Variants in RANBP2 observed in about 807,000 individuals in gnomAD.
RANBP2 encodes the protein RAN binding protein 2.
In RANBP2, 57 loss-of-function variants were observed where a neutral mutation model predicts 303.6. The ratio of observed to expected loss-of-function variants is 0.19; its 90% confidence interval spans 0.15 to 0.23. RANBP2 has a LOEUF of 0.23. RANBP2 is among the 10% of genes least tolerant of loss of function. The pLI, the probability that RANBP2 is intolerant of heterozygous loss-of-function variation, is 1.00. For synonymous variants in RANBP2, 1,167 were observed against 1,301.5 expected (o/e 0.90, Z 2.23); for missense variants, 3,138 against 3,780.8 (o/e 0.83, Z 4.46).
chr2:109,203,568 T>A, the RANBP2 span, among the ~76,000 whole-genome samples: 1 of 152,154 alleles, frequency 6.6e-6, no homozygotes, highest in African/African-American at 2.4e-5. Context: ...CTGCTCCATG[T>A]GGTTCGTCCA....
chr2:109,198,752 C>G, the RANBP2 span, among the ~76,000 whole-genome samples: 1 of 152,148 alleles, frequency 6.6e-6, no homozygotes, highest in East Asian at 1.9e-4. Flanking sequence ...ATCACCTTCC[C>G]AAAGGCCTCA....
intron 19 of RANBP2, among the ~76,000 whole-genome samples, chr2:108,762,628 C>T (rs1350394816): frequency 7.9e-6 from 1 of 126,492 alleles, no homozygotes; most frequent in African/African-American, 3.1e-5. Flanking sequence ...TTATTTTGAC[C>T]ACAGGCAAGT....
the RANBP2 span, among the ~76,000 whole-genome samples, chr2:109,439,502 C>T: frequency 1.3e-5 from 2 of 152,172 alleles, no homozygotes; most frequent in Admixed American, 1.3e-4. Flanking sequence ...AGACCCCAAC[C>T]CCGATGGGTG....
the RANBP2 span, among the ~76,000 whole-genome samples, chr2:109,023,044 CCA>C: frequency 6.6e-6 from 1 of 151,780 alleles, no homozygotes; most frequent in Non-Finnish European, 1.5e-5. Flanking sequence ...GAGCGAGACT[CCA>C]TCTCAAAAAA....
At chr2:109,227,220 G>C in the RANBP2 span, among the ~76,000 whole-genome samples, 1 of 152,156 alleles carries the variant, frequency 6.6e-6, no homozygotes, top group Non-Finnish European at 1.5e-5. Flanking sequence ...TCCCACCCAG[G>C]CCTCAGGGGC....
At chr2:109,462,683 C>G in the RANBP2 span, among the ~76,000 whole-genome samples, 1 of 152,218 alleles carries the variant, frequency 6.6e-6, no homozygotes, top group African/African-American at 2.4e-5. Context: ...AGCCCTCTCT[C>G]CACAGGTCAG....
At chr2:109,524,489 G>T in the RANBP2 span, among the ~76,000 whole-genome samples, 1 of 146,220 alleles carries the variant, frequency 6.8e-6, no homozygotes, top group African/African-American at 2.6e-5. Context: ...GGGCGCGATG[G>T]CTCACGCCTG....
the RANBP2 span, among the ~76,000 whole-genome samples, chr2:109,095,398 G>A: frequency 6.6e-6 from 1 of 152,166 alleles, no homozygotes. Context: ...AAGAAGGCAT[G>A]GGAATATGAT....
At chr2:109,179,566 A>C in the RANBP2 span, among the ~76,000 whole-genome samples, 1 of 152,212 alleles carries the variant, frequency 6.6e-6, no homozygotes, top group Admixed American at 6.5e-5. Flanking sequence ...GAAGTCCAAG[A>C]ACATGGTACT....
At chr2:108,787,026 G>T (rs1267227946), downstream of RANBP2, 4 of 591,608 alleles carry the variant, frequency 6.8e-6, no homozygotes, top group Non-Finnish European at 7.6e-6. Flanking sequence ...TCCCGGCCCC[G>T]GCACTCCCGC....
chr2:109,573,551 C>G, the RANBP2 span, among the ~76,000 whole-genome samples: 1 of 152,108 alleles, frequency 6.6e-6, no homozygotes, highest in African/African-American at 2.4e-5. Context: ...GTAAATCGAC[C>G]GATGTGCCAA....
chr2:109,428,080 C>A, the RANBP2 span, among the ~76,000 whole-genome samples: 1 of 152,238 alleles, frequency 6.6e-6, no homozygotes, highest in Non-Finnish European at 1.5e-5. Context: ...TGCTGTGGGT[C>A]TTCCCTGCAG....
chr2:109,664,218 C>T, the RANBP2 span, among the ~76,000 whole-genome samples: 3 of 152,146 alleles, frequency 2.0e-5, no homozygotes, highest in Admixed American at 6.6e-5. Flanking sequence ...AAGATGCATA[C>T]GTTATAGAAA....
At chr2:108,938,570 G>A in the RANBP2 span, among the ~76,000 whole-genome samples, 1 of 152,104 alleles carries the variant, frequency 6.6e-6, no homozygotes, top group South Asian at 2.1e-4. Context: ...CTGCTGTAAA[G>A]ATATGTGTTC....
chr2:109,393,254 A>G, the RANBP2 span, among the ~76,000 whole-genome samples: 3 of 152,332 alleles, frequency 2.0e-5, no homozygotes, highest in Admixed American at 6.5e-5. Flanking sequence ...AGTCTCTGGA[A>G]CATGTGAGTC....
At chr2:108,992,174 A>G in the RANBP2 span, among the ~76,000 whole-genome samples, 7 of 152,314 alleles carry the variant, frequency 4.6e-5, no homozygotes, top group East Asian at 1.4e-3. Flanking sequence ...GTACCCCATC[A>G]AAGTAGCATT....
the RANBP2 span, among the ~76,000 whole-genome samples, chr2:109,095,317 G>C: frequency 6.6e-6 from 1 of 152,136 alleles, no homozygotes; most frequent in Non-Finnish European, 1.5e-5. Context: ...ACATATAATC[G>C]AGACTACTGG....
the RANBP2 span, among the ~76,000 whole-genome samples, chr2:109,180,069 G>C: frequency 2.0e-5 from 3 of 152,046 alleles, no homozygotes; most frequent in Admixed American, 1.3e-4. Flanking sequence ...TGGGGACCCA[G>C]GCACAGCTGA....
chr2:108,864,560 G>A, the RANBP2 span, among the ~76,000 whole-genome samples: 1 of 152,028 alleles, frequency 6.6e-6, no homozygotes, highest in African/African-American at 2.4e-5. Flanking sequence ...CACTTTGGGA[G>A]GCCAAGGCGG....
Sources: gnomAD v4.1 joint callset for allele counts (sites outside exome capture counted in the v4.1 genomes callset) on GRCh38, gnomAD v4.1.1 for gene constraint, MANE v1.5 for transcripts, NCBI Gene and HGNC (gene_info 2026-07-23, HGNC 2026-07-21) for gene names.